Variants in TMEM230 observed in about 807,000 individuals in gnomAD.
TMEM230 encodes the protein UPF0414 transmembrane protein C20orf30.
In TMEM230, 10 loss-of-function variants were observed where a neutral mutation model predicts 15.8. That is an observed-to-expected ratio of 0.63 (90% confidence interval 0.39 to 1.07). TMEM230 has a LOEUF of 1.07. Among genes scored for constraint, TMEM230 ranks in the 50% least tolerant of loss-of-function variants. TMEM230 has a pLI of 0.01. For missense variants in TMEM230, 165 were observed against 193.3 expected (o/e 0.85, Z 0.87); for synonymous variants, 67 against 76.9 (o/e 0.87, Z 0.68).
downstream of TMEM230, among the ~76,000 whole-genome samples, chr20:5,065,487 C>T (rs1415067468): frequency 1.3e-5 from 2 of 152,150 alleles, no homozygotes; most frequent in Admixed American, 6.5e-5. Flanking sequence ...TTGTTATGGG[C>T]AGCAAAGTCC....
In TMEM230 at chr20:5,107,037, C is replaced by G. The variant is rs571550453; in HGVS notation, c.289-727G>C. ...ACACTTTAAAACAGGGAGGAGAGCT[C>G]GCACCTGTAATCCCAGCAATGTGGG... On this transcript the variant is annotated intron_variant, in intron 3 of 4. Transcript: ENST00000342308. 3.3e-5 allele frequency among the ~76,000 whole-genome samples: 5 copies of G among 152,238 alleles called. No homozygotes were observed. The South Asian group carries it at 1.0e-3, about 32-fold the overall frequency.
At chr20:5,072,013 A>G (rs2088844325) in intron 3 of TMEM230, among the ~76,000 whole-genome samples, 1 of 151,476 alleles carries the variant, frequency 6.6e-6, no homozygotes, top group African/African-American at 2.4e-5. Context: ...AGCCTCCCAA[A>G]GTGCTGAGAT....
the TMEM230 span, among the ~76,000 whole-genome samples, chr20:5,060,576 A>G: frequency 2.0e-4 from 30 of 152,162 alleles, no homozygotes; most frequent in South Asian, 6.2e-3. Context: ...AGCTCAAGTG[A>G]TCTGCCTGCC....
rs189967489 is a variant in TMEM230, at chr20:5,088,498, C to T, written c.222+17690G>A. Among the ~76,000 whole-genome samples the T allele has an allele frequency of 3.4e-3, 520 of 151,908 alleles. 6 individuals carry two copies. Among genetic ancestry groups the T allele is most frequent in the African/African-American group, 0.011 (468 of 41,436 alleles). ...AAGCAATCAGGTGGTTTTTTTAATCCTCCTGCCTCAGCCTCCCAAAGTGCT... is the reference window on the plus strand; with the variant it reads ...AAGCAATCAGGTGGTTTTTTTAATCTTCCTGCCTCAGCCTCCCAAAGTGCT... On this transcript the variant is annotated intron_variant, in intron 3 of 3. Coordinates refer to the TMEM230 transcript ENST00000612323.
intron 1 of TMEM230, chr20:5,112,729 C>T (rs1412470418): frequency 2.8e-6 from 4 of 1,442,764 alleles, no homozygotes; most frequent in Non-Finnish European, 3.6e-6. Context: ...CCTCTACATA[C>T]GTTATTCTCC....
chr20:5,092,442 G>T (rs552430285), intron 3 of TMEM230, among the ~76,000 whole-genome samples: 14 of 152,148 alleles, frequency 9.2e-5, no homozygotes, highest in Non-Finnish European at 1.6e-4. Context: ...GGCAGGCCAG[G>T]CACGGTGGCT....
rs201907140 is a variant in TMEM230, at chr20:5,100,948, G to A, written c.412-17C>T. 4 of 1,613,672 alleles carry A rather than the reference G, an allele frequency of 2.5e-6. No homozygotes were observed. The highest frequency in any genetic ancestry group is 3.4e-6 in the Non-Finnish European group (4 of 1,179,878). The stretch of plus-strand genomic sequence containing the variant: ...GTCTGCCCCCTGGTGGCAGAAGGAG[G>A]CAAACACATTAGTACCGTAAGAGTT... On this transcript the variant is annotated splice_polypyrimidine_tract_variant and intron_variant, in intron 4 of 4. Transcript: ENST00000342308.
At chr20:5,107,408 C>T (rs1222043510) in intron 3 of TMEM230, among the ~76,000 whole-genome samples, 1 of 152,186 alleles carries the variant, frequency 6.6e-6, no homozygotes, top group Non-Finnish European at 1.5e-5. Flanking sequence ...ATAAAAGGGA[C>T]TGGCAAGAGA....
At chr20:5,063,962 A>C (rs141132579), downstream of TMEM230, among the ~76,000 whole-genome samples, 291 of 152,294 alleles carry the variant, frequency 1.9e-3, 2 homozygotes, top group African/African-American at 6.7e-3. Flanking sequence ...ACAGGCTCAC[A>C]GATAACGAAA....
intron 4 of TMEM230, among the ~76,000 whole-genome samples, chr20:5,102,251 T>C (rs1026998485): frequency 1.3e-5 from 2 of 152,028 alleles, no homozygotes; most frequent in Non-Finnish European, 2.9e-5. Flanking sequence ...GTACCAGACA[T>C]GAATATAAAA....
At chr20:5,099,232 A>AAATAAATAAATC (rs763037273), downstream of TMEM230, among the ~76,000 whole-genome samples, 1 of 78,994 alleles carries the variant, frequency 1.3e-5, no homozygotes, top group Non-Finnish European at 2.6e-5. Flanking sequence ...ATAAATAAAT[A>AAATAAATAAATC]AATCAATCAA....
chr20:5,095,360 C>T (rs1230570161), downstream of TMEM230, among the ~76,000 whole-genome samples: 3 of 152,134 alleles, frequency 2.0e-5, no homozygotes, highest in Non-Finnish European at 4.4e-5. Flanking sequence ...ACACATCGTC[C>T]CCTTCCCTGA....
At chr20:5,069,821 T>C (rs1010384971) in intron 3 of TMEM230, among the ~76,000 whole-genome samples, 4 of 152,140 alleles carry the variant, frequency 2.6e-5, no homozygotes, top group Non-Finnish European at 5.9e-5. Context: ...GTGATTCTTG[T>C]GCCTCAGCCA....
chr20:5,094,028 G>A (rs1323468976), intron 3 of TMEM230, among the ~76,000 whole-genome samples: 1 of 150,394 alleles, frequency 6.6e-6, no homozygotes, highest in Admixed American at 6.6e-5. Flanking sequence ...ATCTTGGCTT[G>A]GCTCACTGCA....
At chr20:5,092,494 G>C (rs1035537061) in intron 3 of TMEM230, among the ~76,000 whole-genome samples, 8 of 152,274 alleles carry the variant, frequency 5.3e-5, no homozygotes, top group African/African-American at 1.9e-4. Context: ...GACGCAGGCG[G>C]ATCACCTGAG....
chr20:5,109,729 T>C (rs1290516556), intron 2 of TMEM230, among the ~76,000 whole-genome samples: 3 of 152,198 alleles, frequency 2.0e-5, no homozygotes, highest in Non-Finnish European at 2.9e-5. Flanking sequence ...TCACCAAGAA[T>C]CACATTCCAG....
chr20:5,075,359 C>T (rs184095021), intron 3 of TMEM230, among the ~76,000 whole-genome samples: 75 of 151,852 alleles, frequency 4.9e-4, no homozygotes, highest in Middle Eastern at 3.4e-3. Flanking sequence ...GCCACCGCGC[C>T]CGGCCTAAAA....
the TMEM230 span, among the ~76,000 whole-genome samples, chr20:5,061,751 T>C: frequency 1.3e-5 from 2 of 152,000 alleles, no homozygotes; most frequent in Non-Finnish European, 2.9e-5. Context: ...AGGACCAATT[T>C]CAACAATTGG....
rs555676093 is a variant in TMEM230 at position 5,086,026 on chromosome 20, C to T, written c.223-16677G>A. Among the ~76,000 whole-genome samples, 5 of 152,242 alleles carry T rather than the reference C, an allele frequency of 3.3e-5. No individual in the cohort carries two copies. The East Asian group carries it at 9.6e-4, about 29-fold the overall frequency. Reference sequence around the variant, plus strand: ...CTTGGGTAGTACATCCTTGAACTTCCACTTTTATAATTTAAGCTATACATT... The same window carrying T: ...CTTGGGTAGTACATCCTTGAACTTCTACTTTTATAATTTAAGCTATACATT... On this transcript the variant is annotated intron_variant, in intron 3 of 3. Transcript: ENST00000612323.
Sources: gnomAD v4.1 joint callset for allele counts (sites outside exome capture counted in the v4.1 genomes callset) on GRCh38, gnomAD v4.1.1 for gene constraint, MANE v1.5 for transcripts, NCBI Gene and HGNC (gene_info 2026-07-23, HGNC 2026-07-21) for gene names.